The following GABRR3 variants were observed in gnomAD, a reference collection of about 807,000 sequenced individuals.
GABRR3 encodes gamma-aminobutyric acid receptor subunit rho-3.
GABRR3 carries 29 observed loss-of-function variants against 43.2 expected under a neutral mutation model. The ratio of observed to expected loss-of-function variants is 0.67; its 90% CI spans 0.50 to 0.92. GABRR3 has a LOEUF of 0.92. Among genes scored for constraint, GABRR3 ranks in the 40% least tolerant of loss-of-function variants. The pLI, the probability that GABRR3 is intolerant of heterozygous loss-of-function variation, is 0.00. For synonymous variants in GABRR3, 206 were observed against 195.9 expected (o/e 1.05, Z -0.43); for missense variants, 576 against 572.3 (o/e 1.01, Z -0.07).
intron 8 of GABRR3, chr3:97,998,548 G>T (rs530915700): frequency 1.1e-4 from 17 of 152,082 alleles, no homozygotes; most frequent in Non-Finnish European, 2.2e-4. Flanking sequence ...AACTTTAAGG[G>T]ATTATCACTT....
chr3:98,020,615 A>T (rs1706930120), intron 3 of GABRR3, among the ~76,000 whole-genome samples: 1 of 152,104 alleles, frequency 6.6e-6, no homozygotes, highest in Admixed American at 6.5e-5. Context: ...ACAGTCTTGT[A>T]AAACTACCCT....
intron 2 of GABRR3, among the ~76,000 whole-genome samples, chr3:98,033,716 C>T (rs1167830272): frequency 6.6e-6 from 1 of 152,098 alleles, no homozygotes; most frequent in African/African-American, 2.4e-5. Context: ...TGGTGGTACA[C>T]TCTTACATTT....
chr3:98,010,605 T>C (rs1706777430), intron 5 of GABRR3, among the ~76,000 whole-genome samples: 3 of 152,244 alleles, frequency 2.0e-5, no homozygotes, highest in Admixed American at 2.0e-4. Flanking sequence ...GAGGTTACCC[T>C]GCAAGAGCCT....
rs1369708014 is a variant in GABRR3 at position 98,004,677 on chromosome 3, AG to A, written c.755-2911del. Among the ~76,000 whole-genome samples the A allele has an allele frequency of 5.9e-3, 893 of 150,638 alleles. 8 individuals carry two copies. The highest frequency in any genetic ancestry group is 0.021 in the African/African-American group (851 of 40,812). On this transcript the variant is annotated intron_variant, in intron 7 of 9. Coordinates refer to ENST00000621172, the Ensembl canonical transcript of GABRR3. ...GTGGCAACGGTAGTGGTGAAGGCCA[AG>A]AAAAAAAAAAAAACACCCTGTTGTT...
At chr3:98,016,788 CAA>C (rs544117917) in intron 4 of GABRR3, among the ~76,000 whole-genome samples, 1 of 151,740 alleles carries the variant, frequency 6.6e-6, no homozygotes, top group Non-Finnish European at 1.5e-5. Context: ...ATTCTTAGAG[CAA>C]AAAAACTGAA....
chr3:98,006,065 A>C (rs1205645534), intron 7 of GABRR3, among the ~76,000 whole-genome samples: 1 of 152,116 alleles, frequency 6.6e-6, no homozygotes, highest in Non-Finnish European at 1.5e-5. Flanking sequence ...AAAAATCCTG[A>C]TAAATATATG....
At chr3:97,995,417 G>A (rs762609060) in intron 8 of GABRR3, among the ~76,000 whole-genome samples, 4 of 151,910 alleles carry the variant, frequency 2.6e-5, no homozygotes, top group Non-Finnish European at 5.9e-5. Flanking sequence ...ATGCCTGATT[G>A]GTCTCGTCAT....
intron 7 of GABRR3, among the ~76,000 whole-genome samples, chr3:98,002,820 G>A (rs1452543253): frequency 6.6e-6 from 1 of 152,074 alleles, no homozygotes; most frequent in Non-Finnish European, 1.5e-5. Flanking sequence ...CATAGGTATT[G>A]CAGAGTTGGA....
chr3:97,989,127 A>G (rs1706428441), intron 9 of GABRR3, among the ~76,000 whole-genome samples: 1 of 142,524 alleles, frequency 7.0e-6, no homozygotes, highest in South Asian at 2.3e-4. Flanking sequence ...GTGGTGTTGG[A>G]TAATGGTGGT....
intron 4 of GABRR3, among the ~76,000 whole-genome samples, chr3:98,015,032 A>C (rs1171378063): frequency 6.6e-6 from 1 of 152,240 alleles, no homozygotes; most frequent in African/African-American, 2.4e-5. Flanking sequence ...TTATAAGAAC[A>C]CACATGTAAA....
At chr3:98,034,422 C>T (rs1707126671) in intron 2 of GABRR3, among the ~76,000 whole-genome samples, 1 of 152,012 alleles carries the variant, frequency 6.6e-6, no homozygotes, top group Non-Finnish European at 1.5e-5. Flanking sequence ...GGCTTTAATG[C>T]CTTTTGATAC....
chr3:98,001,952 T>C (rs1182688824), intron 7 of GABRR3, 185 bp from the exon 8 acceptor site: 1 of 174,052 alleles, frequency 5.7e-6, no homozygotes, highest in Non-Finnish European at 1.1e-5. Context: ...GCAGTCTGCT[T>C]AATTATTTGA....
intron 3 of GABRR3, among the ~76,000 whole-genome samples, chr3:98,018,811 C>T (rs1229921776): frequency 2.6e-5 from 4 of 152,018 alleles, no homozygotes; most frequent in Admixed American, 6.5e-5. Flanking sequence ...TTGTTTTAAT[C>T]GAGATTCAAA....
At chr3:97,989,020 C>T (rs559257574) in intron 9 of GABRR3, among the ~76,000 whole-genome samples, 11 of 111,256 alleles carry the variant, frequency 9.9e-5, no homozygotes, top group Middle Eastern at 0.014. Context: ...CATGGTGGTG[C>T]GGGTATATGG....
intron 8 of GABRR3, chr3:97,998,188 T>C (rs1706587878): frequency 6.6e-6 from 1 of 152,260 alleles, no homozygotes; most frequent in Admixed American, 6.6e-5. Flanking sequence ...GCATAGTAAC[T>C]GGCCTAACAT....
chr3:98,000,643 T>C (rs1269476717), intron 8 of GABRR3: 1 of 152,154 alleles, frequency 6.6e-6, no homozygotes, highest in African/African-American at 2.4e-5. Context: ...GAAGTATGCA[T>C]ATAATTTGTG....
chr3:97,996,508 G>A (rs1005029553), intron 8 of GABRR3, among the ~76,000 whole-genome samples: 7 of 152,124 alleles, frequency 4.6e-5, no homozygotes, highest in Non-Finnish European at 1.0e-4. Flanking sequence ...GTGACTACAG[G>A]CCTGAAAACT....
intron 3 of GABRR3, 57 bp from the exon 4 acceptor site, chr3:98,017,779 C>T: frequency 8.3e-7 from 1 of 1,203,820 alleles, no homozygotes; most frequent in African/African-American, 1.5e-5. Context: ...ATTTTAAAAC[C>T]ATTTAAAACA....
At chr3:98,013,954 G>A (rs1252096692) in intron 4 of GABRR3, among the ~76,000 whole-genome samples, 1 of 152,218 alleles carries the variant, frequency 6.6e-6, no homozygotes, top group Non-Finnish European at 1.5e-5. Context: ...GCACTATCAG[G>A]AGCAGGCCAA....
Sources: gnomAD v4.1 joint callset for allele counts (sites outside exome capture counted in the v4.1 genomes callset) on GRCh38, gnomAD v4.1.1 for gene constraint, MANE v1.5 for transcripts, NCBI Gene and HGNC (gene_info 2026-07-23, HGNC 2026-07-21) for gene names.